Variants in CASD1 observed in about 807,000 individuals in gnomAD.
CASD1 encodes CAS1 domain sialic acid O acetyltransferase 1.
In CASD1, 41 loss-of-function variants were observed where a neutral mutation model predicts 100.0. The ratio of observed to expected loss-of-function variants is 0.41; its 90% confidence interval spans 0.32 to 0.53. The LOEUF (loss-of-function observed/expected upper bound fraction) is 0.53. Ranked by LOEUF, CASD1 falls within the 20% of genes least tolerant of loss-of-function variation. CASD1 has a pLI of 0.25. For synonymous variants in CASD1, 321 were observed against 315.6 expected (o/e 1.02, Z -0.18); for missense variants, 774 against 948.7 (o/e 0.82, Z 2.42).
chr7:94,591,218 A>G, the CASD1 span, among the ~76,000 whole-genome samples: 569 of 152,340 alleles, frequency 3.7e-3, 10 homozygotes, highest in African/African-American at 0.013. Context: ...AATAAGTTCT[A>G]CATTTAAAGA....
the CASD1 span, chr7:94,588,150 AG>A: frequency 1.8e-6 from 2 of 1,122,628 alleles, no homozygotes; most frequent in Non-Finnish European, 2.2e-6. Context: ...AAATAAAGAA[AG>A]CAAGTCTTAG....
At chr7:94,528,286 T>C in intron 5 of CASD1, 36 bp downstream of exon 5, 4 of 1,248,276 alleles carry the variant, frequency 3.2e-6, no homozygotes, top group Non-Finnish European at 4.5e-6. Flanking sequence ...TTTTTTTTTT[T>C]ATTTTTATTC....
chr7:94,602,657 C>A, the CASD1 span, among the ~76,000 whole-genome samples: 1 of 151,690 alleles, frequency 6.6e-6, no homozygotes, highest in Non-Finnish European at 1.5e-5. Context: ...TATATACAGA[C>A]ATATAATATA....
chr7:94,610,872 A>G, the CASD1 span, among the ~76,000 whole-genome samples: 3 of 152,230 alleles, frequency 2.0e-5, no homozygotes, highest in Non-Finnish European at 4.4e-5. Context: ...TATGATATAC[A>G]GATATCTAAT....
chr7:94,606,551 A>G, the CASD1 span, among the ~76,000 whole-genome samples: 1 of 152,230 alleles, frequency 6.6e-6, no homozygotes, highest in Non-Finnish European at 1.5e-5. Flanking sequence ...ACATCTCTCT[A>G]TCAGAAATGG....
chr7:94,560,219 T>C (rs753889070), downstream of CASD1, among the ~76,000 whole-genome samples: 34 of 152,186 alleles, frequency 2.2e-4, no homozygotes, highest in Non-Finnish European at 4.0e-4. Context: ...ATAACTAATA[T>C]TGGGAGTGGC....
Position 94,537,801 on chromosome 7 carries a change from G to A in CASD1, c.1173G>A (p.Met391Ile). The A allele has an allele frequency of 6.2e-7, 1 of 1,609,762 alleles. No individual in the cohort carries two copies. Among genetic ancestry groups the A allele is most frequent in the Non-Finnish European group, 8.5e-7 (1 of 1,176,318 alleles). The change falls in exon 9 of 18, where the codon ATG (methionine) becomes ATA (isoleucine). Residue 391 changes from methionine (M) to isoleucine (I), a missense_variant. This residue lies in a region of CASD1 where 453 missense variants were observed against 532.6 expected (regional missense o/e 0.85). Transcript: ENST00000297273. ...TGTGTGACCGTGCAAATCTGTTCAT[G>A]AAGGAAAACAAATTTTATACACATT... ...FYMCDRANLFMKENKFYTHSS... is the reference protein window; with the variant it reads ...FYMCDRANLFIKENKFYTHSS...
At chr7:94,518,357 T>C in intron 3 of CASD1, 34 bp downstream of exon 3, 1 of 1,525,184 alleles carries the variant, frequency 6.6e-7, no homozygotes, top group Non-Finnish European at 8.8e-7. Context: ...GTAGAGTGTT[T>C]TAGAAGTTAA....
chr7:94,541,324 C>G (rs929032553), intron 10 of CASD1, among the ~76,000 whole-genome samples: 1 of 151,590 alleles, frequency 6.6e-6, no homozygotes, highest in African/African-American at 2.4e-5. Flanking sequence ...TAAAATATGT[C>G]AAACTAGTTG....
At chr7:94,552,658 A>T (rs1796005991) in intron 16 of CASD1, among the ~76,000 whole-genome samples, 2 of 152,066 alleles carry the variant, frequency 1.3e-5, no homozygotes, top group African/African-American at 4.8e-5. Flanking sequence ...ATCTGCCCTT[A>T]GAAAATGGTG....
At chr7:94,600,571 T>G in the CASD1 span, 14 of 1,108,372 alleles carry the variant, frequency 1.3e-5, no homozygotes, top group Non-Finnish European at 1.9e-5. Flanking sequence ...AAATGAAACT[T>G]TGCTTTTAAT....
the CASD1 span, among the ~76,000 whole-genome samples, chr7:94,574,188 C>CT: frequency 6.6e-6 from 1 of 152,034 alleles, no homozygotes; most frequent in African/African-American, 2.4e-5. Context: ...CTGCAGTTTT[C>CT]TTTTTTGTTT....
intron 8 of CASD1, 111 bp from the exon 9 acceptor site, chr7:94,537,361 C>A: frequency 2.2e-6 from 2 of 918,216 alleles, no homozygotes; most frequent in Non-Finnish European, 3.3e-6. Context: ...GCAAAAGATA[C>A]GAAAGCATTC....
intron 1 of CASD1, 116 bp from the exon 2 acceptor site, chr7:94,517,444 C>T (rs1306732636): frequency 8.5e-6 from 5 of 591,464 alleles, no homozygotes; most frequent in African/African-American, 3.7e-5. Flanking sequence ...CTGGGCGGTA[C>T]AGTGAAACAG....
the CASD1 span, among the ~76,000 whole-genome samples, chr7:94,571,437 A>G: frequency 6.6e-6 from 1 of 152,156 alleles, no homozygotes; most frequent in African/African-American, 2.4e-5. Context: ...TGCAGGATGT[A>G]ATAATTATGA....
intron 10 of CASD1, among the ~76,000 whole-genome samples, chr7:94,542,519 CTT>C (rs1159059330): frequency 2.0e-5 from 3 of 152,214 alleles, no homozygotes; most frequent in South Asian, 4.1e-4. Context: ...TTTCTTTTAA[CTT>C]TTAAAATGCT....
rs1360070468 is a variant in CASD1 at position 94,539,055 on chromosome 7, C to T, written c.1355C>T (p.Thr452Ile). Reference sequence around the variant, plus strand: ...ATTTATCACATTTCTGGAGCAAGTACAGTAAGTATTTGGAATTTAAGTTCA... The same window carrying T: ...ATTTATCACATTTCTGGAGCAAGTATAGTAAGTATTTGGAATTTAAGTTCA... ...ILIYHISGAS[T>I]FLPVYMHIRV... Residue 452 changes from threonine (T) to isoleucine (I), a missense_variant and splice_region_variant, in exon 10 of 18, where the codon ACA becomes ATA. By Grantham distance (89) the Thr-to-Ile change is moderately conservative. Around this residue, in one of 5 missense-constraint regions of CASD1, gnomAD observed 453 missense variants for 532.6 expected, o/e 0.85. Coordinates refer to ENST00000297273, the MANE Select transcript of CASD1 (RefSeq NM_022900.5). 1.3e-6 allele frequency: 2 copies of T among 1,570,532 alleles called. No individual in the cohort carries two copies. Among genetic ancestry groups the T allele is most frequent in the South Asian group, 1.1e-5 (1 of 89,780 alleles).
At chr7:94,560,559 G>A (rs960174574), downstream of CASD1, among the ~76,000 whole-genome samples, 1 of 152,068 alleles carries the variant, frequency 6.6e-6, no homozygotes, top group African/African-American at 2.4e-5. Flanking sequence ...GGGAGAAGTG[G>A]GATTTGTAAA....
At chr7:94,630,610 A>G in the CASD1 span, among the ~76,000 whole-genome samples, 1 of 151,974 alleles carries the variant, frequency 6.6e-6, no homozygotes, top group Non-Finnish European at 1.5e-5. Flanking sequence ...GTACATTAAA[A>G]TGACCAATTG....
Sources: gnomAD v4.1 joint callset for allele counts (sites outside exome capture counted in the v4.1 genomes callset) on GRCh38, gnomAD v4.1.1 for gene constraint, gnomAD v4.1.1 regional missense constraint, MANE v1.5 for transcripts, NCBI Gene and HGNC (gene_info 2026-07-23, HGNC 2026-07-21) for gene names.